SLC4A5: variants seen among roughly 807,000 people sequenced by gnomAD.
The protein encoded by SLC4A5 is electrogenic sodium bicarbonate cotransporter 4.
Under a neutral mutation model 120.4 loss-of-function variants are expected in SLC4A5, and 96 were observed. That is an observed-to-expected ratio of 0.80 (90% confidence interval 0.68 to 0.94). The LOEUF is 0.94. Ranked by LOEUF, SLC4A5 falls within the 40% of genes least tolerant of loss-of-function variation. The pLI is 0.00. For missense variants in SLC4A5, 1,259 were observed against 1,459.5 expected (o/e 0.86, Z 2.24); for synonymous variants, 550 against 571.1 (o/e 0.96, Z 0.53).
At chr2:74,283,498 C>T (rs959650206) in intron 8 of SLC4A5, among the ~76,000 whole-genome samples, 1 of 152,176 alleles carries the variant, frequency 6.6e-6, no homozygotes, top group Admixed American at 6.5e-5. Context: ...ACTAGTACAC[C>T]CAGTGGCTTT....
intron 14 of SLC4A5, among the ~76,000 whole-genome samples, chr2:74,254,354 C>T (rs1451440931): frequency 6.6e-6 from 1 of 152,142 alleles, no homozygotes; most frequent in Admixed American, 6.6e-5. Context: ...GCTTTAAAGC[C>T]CCCTCATCTG....
At chr2:74,334,645 T>C (rs1298879418) in intron 3 of SLC4A5, among the ~76,000 whole-genome samples, 2 of 152,196 alleles carry the variant, frequency 1.3e-5, no homozygotes, top group Non-Finnish European at 2.9e-5. Flanking sequence ...TATTCACTGA[T>C]GTATCTCTGA....
intron 19 of SLC4A5, 82 bp downstream of exon 19, chr2:74,246,954 T>C: frequency 1.3e-6 from 2 of 1,539,012 alleles, no homozygotes; most frequent in Non-Finnish European, 1.8e-6. Context: ...TCCCCAGCAG[T>C]AGAAGTAGAG....
chr2:74,280,141 C>T (rs958475678), intron 8 of SLC4A5, among the ~76,000 whole-genome samples: 4 of 152,148 alleles, frequency 2.6e-5, no homozygotes, highest in African/African-American at 9.7e-5. Context: ...TCAGCCCTGC[C>T]ATTCCCTGCC....
At chr2:74,235,130 G>A (rs1255812235) in exon 22 of SLC4A5, 1 of 1,614,180 alleles carries the variant, frequency 6.2e-7, no homozygotes, top group Non-Finnish European at 8.5e-7. Context: ...TGCAGCTTGG[G>A]AGTTTCTAGG....
chr2:74,316,900 T>C (rs1477117885), intron 5 of SLC4A5, among the ~76,000 whole-genome samples: 1 of 152,234 alleles, frequency 6.6e-6, no homozygotes, highest in Non-Finnish European at 1.5e-5. Context: ...GGCTGTGCAC[T>C]TGAACGCATT....
At chr2:74,219,868 G>T (rs990563246) in intron 30 of SLC4A5, among the ~76,000 whole-genome samples, 1 of 152,246 alleles carries the variant, frequency 6.6e-6, no homozygotes, top group African/African-American at 2.4e-5. Flanking sequence ...AACTGGGACA[G>T]GTGACACTTT....
rs758246155 is a variant in SLC4A5 at position 74,252,285 on chromosome 2, T to C, written c.1372A>G (p.Ser458Gly). The change falls in exon 16 of 31, where the codon AGT (serine) becomes GGT (glycine). Residue 458 changes from serine to glycine, a missense_variant. Transcript: ENST00000394019. ...CCGCCACTGCCAGCCCCGCCGCCAC[T>C]GCCACCACCACCACCACCTCCATTG... 7 of 1,611,794 alleles carry C rather than the reference T, an allele frequency of 4.3e-6. No individual in the cohort carries two copies. Among genetic ancestry groups the C allele is most frequent in the Non-Finnish European group, 5.1e-6 (6 of 1,179,756 alleles).
chr2:74,284,459 C>T (rs1362303163), intron 8 of SLC4A5, among the ~76,000 whole-genome samples: 4 of 73,148 alleles, frequency 5.5e-5, no homozygotes, highest in South Asian at 3.7e-4. Context: ...GGATTACAGG[C>T]GTGAGCCACC....
At chr2:74,250,653 CA>C in intron 16 of SLC4A5, 136 bp from the exon 17 acceptor site, 1 of 1,052,380 alleles carries the variant, frequency 9.5e-7, no homozygotes, top group South Asian at 1.5e-5. Flanking sequence ...ATCTTTCCAC[CA>C]GAACATTTAG....
intron 8 of SLC4A5, among the ~76,000 whole-genome samples, chr2:74,270,067 C>T (rs898743781): frequency 6.6e-6 from 1 of 152,184 alleles, no homozygotes; most frequent in Non-Finnish European, 1.5e-5. Context: ...TTACTTGTCT[C>T]CAATTTTAAG....
intron 7 of SLC4A5, among the ~76,000 whole-genome samples, chr2:74,288,706 C>CCTTGT (rs1460276096): frequency 6.6e-6 from 1 of 152,120 alleles, no homozygotes; most frequent in African/African-American, 2.4e-5. Context: ...ATGAGGTCAC[C>CCTTGT]CTTGTGTCCA....
intron 8 of SLC4A5, among the ~76,000 whole-genome samples, chr2:74,270,035 A>G (rs532420842): frequency 2.0e-5 from 3 of 152,318 alleles, no homozygotes; most frequent in South Asian, 4.1e-4. Context: ...CCCACATGAG[A>G]ATAGCCTGCA....
intron 7 of SLC4A5, chr2:74,290,569 C>A (rs1027044137): frequency 7.1e-5 from 70 of 982,654 alleles, no homozygotes; most frequent in Admixed American, 4.4e-4. Flanking sequence ...AAAAGCTACA[C>A]TGAGTTAATT....
At chr2:74,296,554 T>C (rs1293405669) in intron 7 of SLC4A5, among the ~76,000 whole-genome samples, 1 of 149,946 alleles carries the variant, frequency 6.7e-6, no homozygotes, top group Non-Finnish European at 1.5e-5. Context: ...CTTGAGTCAC[T>C]TGAGGTCAGG....
chr2:74,235,224 GGA>G lies in SLC4A5; in HGVS notation c.2320-12_2320-11del. The G allele has an allele frequency of 6.2e-7, 1 of 1,609,650 alleles. No individual in the cohort carries two copies. Among genetic ancestry groups the G allele is most frequent in the South Asian group, 1.1e-5 (1 of 90,660 alleles). On this transcript the variant is annotated splice_polypyrimidine_tract_variant and intron_variant, in intron 21 of 30. Transcript: ENST00000394019. ...CCACCAGGGCCCGGACCTGCAGACAGGAGATGAGCAAGTAAAAGAAGTGAGTA... is the reference window on the plus strand; with the variant it reads ...CCACCAGGGCCCGGACCTGCAGACAGGATGAGCAAGTAAAAGAAGTGAGTA...
chr2:74,280,325 G>T (rs781366474), intron 8 of SLC4A5, among the ~76,000 whole-genome samples: 2 of 152,022 alleles, frequency 1.3e-5, no homozygotes, highest in Non-Finnish European at 2.9e-5. Flanking sequence ...GACCCCTCCT[G>T]CCTGGATTAG....
chr2:74,248,434 A>G (rs1214898560), exon 18 of SLC4A5: 1 of 1,614,028 alleles, frequency 6.2e-7, no homozygotes, highest in Non-Finnish European at 8.5e-7. Context: ...TCCCGAGAAG[A>G]GGCAGAACAA....
At chr2:74,342,823 G>C (rs1031887149) in intron 1 of SLC4A5, among the ~76,000 whole-genome samples, 1 of 152,146 alleles carries the variant, frequency 6.6e-6, no homozygotes, top group African/African-American at 2.4e-5. Context: ...AAGCTTAGTT[G>C]AAGTGTGGAT....
Sources: gnomAD v4.1 joint callset for allele counts (sites outside exome capture counted in the v4.1 genomes callset) on GRCh38, gnomAD v4.1.1 for gene constraint, MANE v1.5 for transcripts, NCBI Gene and HGNC (gene_info 2026-07-23, HGNC 2026-07-21) for gene names.